The following EHMT2 variants were observed in gnomAD, a reference collection of about 807,000 sequenced individuals.
EHMT2 encodes the protein euchromatic histone lysine methyltransferase 2, also known as histone-lysine N-methyltransferase EHMT2.
A neutral mutation model predicts 143.3 loss-of-function variants in EHMT2; 59 were observed. The ratio of observed to expected loss-of-function variants is 0.41; its 90% CI spans 0.33 to 0.51. The LOEUF (loss-of-function observed/expected upper bound fraction) is 0.51, where lower values mean the gene tolerates loss of function less well. Among genes scored for constraint, EHMT2 ranks in the 20% least tolerant of loss-of-function variants. EHMT2 has a pLI of 0.18. For synonymous variants in EHMT2, 604 were observed against 651.5 expected (o/e 0.93, Z 1.11); for missense variants, 1,174 against 1,645.9 (o/e 0.71, Z 4.96).
intron 4 of EHMT2, among the ~76,000 whole-genome samples, chr6:31,894,927 T>C (rs1766183922): frequency 6.6e-6 from 1 of 152,154 alleles, no homozygotes. Context: ...GTTGAGATTA[T>C]AGGCAAGCCA....
chr6:31,895,891 T>TC, intron 4 of EHMT2: 1 of 204,680 alleles, frequency 4.9e-6, no homozygotes, highest in East Asian at 1.1e-4. Context: ...TCATCTCCTT[T>TC]CCCACTGGGA....
chr6:31,888,778 G>A lies in EHMT2; in HGVS notation c.1217-31C>T, dbSNP rs1765264002. 6.2e-7 allele frequency: 1 copy of A among 1,608,660 alleles called. No individual in the cohort carries two copies. The highest frequency in any genetic ancestry group is 1.1e-5 in the South Asian group (1 of 90,834). ...ATGGAGGAAAAGAGGAGCTGAGGGA[G>A]GCTCTGCACCTCACCTACTGGGACC... On this transcript the variant is annotated intron_variant, in intron 10 of 27. Transcript: ENST00000375537. The surrounding 1 kb of genome is among the most constrained non-coding windows in gnomAD (Gnocchi z 7.4).
rs1453747419 is a variant in EHMT2, at chr6:31,883,243, C to CA, written c.2994+118dup. The CA allele has an allele frequency of 7.2e-6, 8 of 1,118,678 alleles. No individual in the cohort carries two copies. The highest frequency in any genetic ancestry group is 1.0e-5 in the Non-Finnish European group (8 of 764,580). 69.3% of individuals were successfully genotyped at this position (1,118,678 alleles called of 1,614,324 possible). Reference sequence around the variant, plus strand: ...ATTCCCAGGCCTTGCCCAGTCCTCTCAGTCACTTCCCCCACAGGGTAGGAG... The same window carrying CA: ...ATTCCCAGGCCTTGCCCAGTCCTCTCAAGTCACTTCCCCCACAGGGTAGGAG... On this transcript the variant is annotated intron_variant, in intron 23 of 27. Transcript: ENST00000375537. This position sits in a 1 kb window ranked among gnomAD's most constrained non-coding sequence, Gnocchi z 5.6.
chr6:31,886,743 C>T (rs750060686), intron 17 of EHMT2, 32 bp downstream of exon 17: 8 of 1,613,834 alleles, frequency 5.0e-6, no homozygotes, highest in East Asian at 2.2e-5. Flanking sequence ...TCCCTGACTC[C>T]GGGGGCCACG....
At chr6:31,885,132 C>T in intron 18 of EHMT2, 116 bp from the exon 19 acceptor site, 1 of 1,365,916 alleles carries the variant, frequency 7.3e-7, no homozygotes, top group Non-Finnish European at 9.7e-7. Flanking sequence ...AGCTGTGGGA[C>T]CCTGGGTAAG....
At position 31,887,674 on chromosome 6, in the gene EHMT2, C is replaced by T. The variant is rs372809002; in HGVS notation, c.1929-15G>A. On this transcript the variant is annotated splice_polypyrimidine_tract_variant and intron_variant, in intron 14 of 27. Coordinates refer to ENST00000375537, the Ensembl canonical transcript of EHMT2. ...GCTTCTTCCGCCTGCCAAGGGAGCA[C>T]GGGAGCGGGGAGAGAAGGGGAGCTC... 22 of 1,612,320 alleles carry T rather than the reference C, an allele frequency of 1.4e-5. No individual in the cohort carries two copies. Among genetic ancestry groups the T allele is most frequent in the South Asian group, 3.3e-5 (3 of 91,092 alleles).
Position 31,897,001 on chromosome 6 carries a change from G to C in EHMT2, c.43-12C>G. 5.1e-6 allele frequency: 8 copies of C among 1,559,320 alleles called. No homozygotes were observed. Among genetic ancestry groups the C allele is most frequent in the Non-Finnish European group, 6.9e-6 (8 of 1,157,770 alleles). ...GCGGGGGCCTCCCCCTGGGAGGGGA[G>C]ACAAGGGACAGGAGGGCTGGTCAGC... On this transcript the variant is annotated splice_polypyrimidine_tract_variant and intron_variant, in intron 1 of 27. Coordinates refer to ENST00000375537, the Ensembl canonical transcript of EHMT2.
chr6:31,886,514 C>A, intron 18 of EHMT2, 67 bp downstream of exon 18: 1 of 1,492,340 alleles, frequency 6.7e-7, no homozygotes. Context: ...CGGCCCAAAG[C>A]CTGAGGCCAA....
At chr6:31,882,997 G>A in exon 24 of EHMT2, 2 of 1,612,930 alleles carry the variant, frequency 1.2e-6, no homozygotes, top group Admixed American at 1.7e-5. Flanking sequence ...AATTCCTGGA[G>A]CAATCGCCCA....
chr6:31,886,730 T>C (rs767204144), intron 17 of EHMT2, 45 bp downstream of exon 17: 1 of 1,613,812 alleles, frequency 6.2e-7, no homozygotes. Flanking sequence ...ACCCCAAACC[T>C]GGTCCCTGAC....
chr6:31,882,117 T>TAAA (rs9279449), intron 25 of EHMT2, among the ~76,000 whole-genome samples: 1,730 of 97,110 alleles, frequency 0.018, 20 homozygotes, highest in Admixed American at 0.034. Flanking sequence ...AAAAATAAAT[T>TAAA]AAAAAAAAAA....
intron 1 of EHMT2, 75 bp from the exon 2 acceptor site, chr6:31,897,064 T>C: frequency 1.0e-5 from 15 of 1,500,532 alleles, no homozygotes; most frequent in Non-Finnish European, 1.3e-5. Context: ...GCCTGGGCCC[T>C]GGGAAGAGAG....
At chr6:31,897,231 G>C in intron 1 of EHMT2, 2 of 1,216,736 alleles carry the variant, frequency 1.6e-6, no homozygotes, top group African/African-American at 1.6e-5. Context: ...AGGAGGGGGA[G>C]GGGGCGGGGC....
rs536778504 is a variant in EHMT2, at chr6:31,896,532, G to A, written c.329-16C>T. The A allele has an allele frequency of 3.7e-6, 6 of 1,611,302 alleles. No homozygotes were observed. Among genetic ancestry groups the A allele is most frequent in the South Asian group, 3.3e-5 (3 of 90,976 alleles). On this transcript the variant is annotated splice_polypyrimidine_tract_variant and intron_variant, in intron 3 of 27. Coordinates refer to ENST00000375537, the Ensembl canonical transcript of EHMT2. ...GTGGCATGGCCTAGAAAACAGGCAA[G>A]CAAAAGGCAAGATAAGAAAGAAGGC...
intron 7 of EHMT2, among the ~76,000 whole-genome samples, chr6:31,891,700 A>G (rs1231302768): frequency 6.6e-6 from 1 of 152,250 alleles, no homozygotes; most frequent in Admixed American, 6.5e-5. Context: ...CATATAAGAT[A>G]AAACCAGACA....
Position 31,884,167 on chromosome 6 carries a change from A to T in EHMT2, c.2772-217T>A, listed in dbSNP as rs890416717. ...AATTACACAGGACATTCTCACACTA[A>T]AAAAGTATGCATCTGTGCATCTGAA... On this transcript the variant is annotated intron_variant, in intron 21 of 27. Coordinates refer to ENST00000375537, the Ensembl canonical transcript of EHMT2. This position sits in a 1 kb window ranked among gnomAD's most constrained non-coding sequence, Gnocchi z 7.3. 5 of 702,866 alleles carry T rather than the reference A, an allele frequency of 7.1e-6. No individual in the cohort carries two copies. Among genetic ancestry groups the T allele is most frequent in the African/African-American group, 3.6e-5 (2 of 55,748 alleles). 43.5% of individuals were successfully genotyped at this position (702,866 alleles called of 1,614,324 possible). A position where few individuals can be genotyped will look rare whatever the true frequency, so the allele number is the denominator to read the frequency against.
At chr6:31,885,669 T>C (rs1764741610) in intron 18 of EHMT2, 1 of 152,254 alleles carries the variant, frequency 6.6e-6, no homozygotes, top group Non-Finnish European at 1.5e-5. Flanking sequence ...CAGAGAGCTA[T>C]GACTGTCTGT....
chr6:31,884,265 G>C lies in EHMT2; in HGVS notation c.2771+127C>G. On this transcript the variant is annotated intron_variant, in intron 21 of 27. Coordinates refer to ENST00000375537, the Ensembl canonical transcript of EHMT2. This position sits in a 1 kb window ranked among gnomAD's most constrained non-coding sequence, Gnocchi z 7.3. ...AACCCTAGTGGGGAGGGGGCCTGTG[G>C]GTGGTTCTGGGGATTCAGTGGTGCA... is the stretch of plus-strand genomic sequence containing the variant. The C allele has an allele frequency of 8.8e-7, 1 of 1,139,766 alleles. No individual in the cohort carries two copies. The highest frequency in any genetic ancestry group is 1.2e-6 in the Non-Finnish European group (1 of 819,014). The allele number at this position is 1,139,766 out of a possible 1,614,324, so 70.6% of individuals were successfully genotyped here. A position where few individuals can be genotyped will look rare whatever the true frequency, so the allele number is the denominator to read the frequency against.
chr6:31,886,754 C>G, intron 17 of EHMT2, 21 bp downstream of exon 17: 1 of 1,614,134 alleles, frequency 6.2e-7, no homozygotes, highest in Non-Finnish European at 8.5e-7. Flanking sequence ...GGGGGCCACG[C>G]CCTGCTGCCT....
Sources: gnomAD v4.1 joint callset for allele counts (sites outside exome capture counted in the v4.1 genomes callset) on GRCh38, gnomAD v4.1.1 for gene constraint, Gnocchi (gnomAD v3.1) non-coding constraint, MANE v1.5 for transcripts, NCBI Gene and HGNC (gene_info 2026-07-23, HGNC 2026-07-21) for gene names.